HDAC9: variants seen among roughly 807,000 people sequenced by gnomAD.
HDAC9 encodes the protein histone deacetylase 9.
In HDAC9, 41 loss-of-function variants were observed where a neutral mutation model predicts 139.4. The ratio of observed to expected loss-of-function variants is 0.29; its 90% CI spans 0.23 to 0.38. The LOEUF is 0.38. Among genes scored for constraint, HDAC9 ranks in the 10% least tolerant of loss-of-function variants. The pLI is 1.00. For synonymous variants in HDAC9, 517 were observed against 476.2 expected (o/e 1.09, Z -1.12); for missense variants, 1,147 against 1,297.0 (o/e 0.88, Z 1.78).
Position 18,829,135 on chromosome 7 carries a change from A to G in HDAC9, c.2323-26A>G, listed in dbSNP as rs765977992. The G allele has an allele frequency of 1.2e-5, 19 of 1,578,612 alleles. No individual in the cohort carries two copies. In the Admixed American group the frequency reaches 2.2e-4, roughly 18 times the overall value. On this transcript the variant is annotated intron_variant, in intron 17 of 25. Coordinates refer to ENST00000686413, the MANE Select transcript of HDAC9 (RefSeq NM_178425.4). Reference sequence around the variant, plus strand: ...CCTACCCTCTCCATTATATCTGACCATTGAAAACCTGTCTTGTTTTCACAG... The same window carrying G: ...CCTACCCTCTCCATTATATCTGACCGTTGAAAACCTGTCTTGTTTTCACAG...
chr7:18,516,440 GC>G, intron 2 of HDAC9, among the ~76,000 whole-genome samples: 1 of 152,152 alleles, frequency 6.6e-6, no homozygotes, highest in South Asian at 2.1e-4. Context: ...TCACCTTACC[GC>G]CCTAGTCAAT....
At chr7:18,967,024 G>A (rs1257746217) in intron 24 of HDAC9, among the ~76,000 whole-genome samples, 12 of 152,190 alleles carry the variant, frequency 7.9e-5, no homozygotes, top group African/African-American at 2.7e-4. Flanking sequence ...TAATGAATAT[G>A]TAACTTGAAC....
chr7:18,117,522 G>C lies in HDAC9; in HGVS notation c.-97+30309G>C, dbSNP rs952248757. 1.1e-4 allele frequency among the ~76,000 whole-genome samples: 16 copies of C among 150,942 alleles called. No homozygotes were observed. In the East Asian group the frequency reaches 2.9e-3, roughly 28 times the overall value. ...TAAAAAATTAAAAAAAAAAAAAAGA[G>C]AAGAGATAGAGAGACTGAGATCCCC... is the stretch of plus-strand genomic sequence containing the variant. On this transcript the variant is annotated intron_variant, in intron 1 of 12. Transcript: ENST00000417496.
chr7:18,503,627 A>T (rs3807925), intron 2 of HDAC9, among the ~76,000 whole-genome samples: 3 of 152,040 alleles, frequency 2.0e-5, no homozygotes, highest in African/African-American at 7.2e-5. Context: ...ATTAAATCCA[A>T]TGAAAACCAC....
chr7:18,650,974 C>G (rs1789044142), intron 11 of HDAC9, among the ~76,000 whole-genome samples: 2 of 152,120 alleles, frequency 1.3e-5, no homozygotes, highest in South Asian at 2.1e-4. Context: ...ATTTTACCTG[C>G]CCTCAGTTGT....
At chr7:18,776,655 G>T (rs1790792589) in intron 16 of HDAC9, among the ~76,000 whole-genome samples, 1 of 152,028 alleles carries the variant, frequency 6.6e-6, no homozygotes, top group African/African-American at 2.4e-5. Flanking sequence ...GAGTCTTGTA[G>T]TGTTGGGGCA....
At chr7:18,744,282 G>A (rs567739177) in intron 13 of HDAC9, among the ~76,000 whole-genome samples, 73 of 152,170 alleles carry the variant, frequency 4.8e-4, no homozygotes, top group African/African-American at 1.6e-3. Context: ...GTGAGCCACC[G>A]CGCCCGGCCT....
At chr7:18,277,454 C>A (rs1414160750) in intron 2 of HDAC9, among the ~76,000 whole-genome samples, 1 of 152,166 alleles carries the variant, frequency 6.6e-6, no homozygotes, top group Non-Finnish European at 1.5e-5. Flanking sequence ...ATGAAAATTA[C>A]TTGTACCTGG....
chr7:18,592,851 AT>A (rs1452793768), intron 5 of HDAC9, among the ~76,000 whole-genome samples: 1 of 152,182 alleles, frequency 6.6e-6, no homozygotes, highest in Non-Finnish European at 1.5e-5. Flanking sequence ...TACACACATA[AT>A]TTATAGCTAA....
chr7:18,157,470 A>G (rs1228076785), intron 1 of HDAC9, among the ~76,000 whole-genome samples: 2 of 152,178 alleles, frequency 1.3e-5, no homozygotes, highest in Non-Finnish European at 2.9e-5. Flanking sequence ...TTATTTATAC[A>G]TTCCCTGGAG....
intron 6 of HDAC9, among the ~76,000 whole-genome samples, chr7:18,622,291 T>C (rs1840412554): frequency 6.6e-6 from 1 of 152,138 alleles, no homozygotes; most frequent in Non-Finnish European, 1.5e-5. Flanking sequence ...TCATTGTATA[T>C]CCCAAATATT....
chr7:18,531,514 TTA>T (rs1808940215), intron 2 of HDAC9, among the ~76,000 whole-genome samples: 1 of 152,138 alleles, frequency 6.6e-6, no homozygotes, highest in South Asian at 2.1e-4. Context: ...GAAAAAAACT[TTA>T]AGTTTTGAAA....
rs527942380 is a variant in HDAC9 at position 18,849,307 on chromosome 7, C to T, written c.2684+13310C>T. 9.2e-5 allele frequency among the ~76,000 whole-genome samples: 14 copies of T among 151,896 alleles called. No individual in the cohort carries two copies. The South Asian group carries it at 2.7e-3, about 29-fold the overall frequency. On this transcript the variant is annotated intron_variant, in intron 21 of 25. Transcript: ENST00000686413. The stretch of plus-strand genomic sequence containing the variant: ...TGTGAGTGGTTCTTAGATAACACAC[C>T]CTAAAGACAAAGAAAGAAAGGAAGA...
intron 1 of HDAC9, among the ~76,000 whole-genome samples, chr7:18,122,877 C>A (rs1784440556): frequency 6.6e-6 from 1 of 152,188 alleles, no homozygotes; most frequent in Non-Finnish European, 1.5e-5. Flanking sequence ...CCTCAGCCTC[C>A]CAAAGTGCTC....
chr7:18,562,764 A>G (rs1036072113), intron 2 of HDAC9, among the ~76,000 whole-genome samples: 1 of 152,066 alleles, frequency 6.6e-6, no homozygotes, highest in Non-Finnish European at 1.5e-5. Context: ...TAACTTTAAG[A>G]TTAGTATGTC....
At chr7:18,123,505 G>A (rs141212125) in intron 1 of HDAC9, among the ~76,000 whole-genome samples, 38 of 152,136 alleles carry the variant, frequency 2.5e-4, no homozygotes, top group African/African-American at 9.2e-4. Flanking sequence ...AAATCATCAC[G>A]GGGCCCACAC....
chr7:18,106,618 A>G lies in HDAC9; in HGVS notation c.-97+19405A>G, dbSNP rs191373790. Among the ~76,000 whole-genome samples, 16 of 152,130 alleles carry G rather than the reference A, an allele frequency of 1.1e-4. No individual in the cohort carries two copies. In the East Asian group the frequency reaches 3.1e-3, roughly 29 times the overall value. On this transcript the variant is annotated intron_variant, in intron 1 of 12. Transcript: ENST00000417496. ...CAGGCACACTCTACGACACCTGGCTAATTTTTTATATTTTTGGTAAAGATG... is the reference window on the plus strand; with the variant it reads ...CAGGCACACTCTACGACACCTGGCTGATTTTTTATATTTTTGGTAAAGATG...
intron 1 of HDAC9, among the ~76,000 whole-genome samples, chr7:18,130,771 C>G (rs1784950953): frequency 6.6e-6 from 1 of 152,036 alleles, no homozygotes; most frequent in South Asian, 2.1e-4. Context: ...TGTCATGCCT[C>G]TTTTAACAAT....
chr7:18,287,673 TC>T (rs1797539482), upstream of HDAC9, among the ~76,000 whole-genome samples: 2 of 152,250 alleles, frequency 1.3e-5, no homozygotes, highest in South Asian at 2.1e-4. Flanking sequence ...TTCAGCGCAT[TC>T]CTGCCCTGGT....
Sources: gnomAD v4.1 joint callset for allele counts (sites outside exome capture counted in the v4.1 genomes callset) on GRCh38, gnomAD v4.1.1 for gene constraint, MANE v1.5 for transcripts, NCBI Gene and HGNC (gene_info 2026-07-23, HGNC 2026-07-21) for gene names.